ZNF610: variants seen among roughly 807,000 people sequenced by gnomAD.
ZNF610 encodes zinc finger protein 610, also known as zink finger protein.
Under a neutral mutation model 14.1 loss-of-function variants are expected in ZNF610, and 14 were observed. The ratio of observed to expected loss-of-function variants is 0.99; its 90% CI spans 0.65 to 1.55. The LOEUF is 1.55. Among genes scored for constraint, ZNF610 ranks in the 40% most tolerant of loss-of-function variants. The pLI, the probability that ZNF610 is intolerant of heterozygous loss-of-function variation, is 0.00. For missense variants in ZNF610, 530 were observed against 558.0 expected (o/e 0.95, Z 0.51); for synonymous variants, 185 against 187.6 (o/e 0.99, Z 0.11).
upstream of ZNF610, among the ~76,000 whole-genome samples, chr19:52,335,053 T>C (rs1438307364): frequency 1.2e-5 from 1 of 86,470 alleles, no homozygotes; most frequent in Non-Finnish European, 2.3e-5. Flanking sequence ...CCCAGCACTT[T>C]GGGGGCCGGG....
chr19:52,332,824 A>G (rs1424942256), upstream of ZNF610, among the ~76,000 whole-genome samples: 1 of 152,228 alleles, frequency 6.6e-6, no homozygotes, highest in Non-Finnish European at 1.5e-5. The surrounding 1 kb of genome is among the most constrained non-coding windows in gnomAD (Gnocchi z 4.1). Context: ...TACAAAGCCC[A>G]TGGTTCCTGG....
At chr19:52,360,269 T>G (rs1985714824) in intron 5 of ZNF610, among the ~76,000 whole-genome samples, 2 of 152,226 alleles carry the variant, frequency 1.3e-5, no homozygotes, top group African/African-American at 4.8e-5. Flanking sequence ...TTCTGTTTCC[T>G]GAGTTCTGCC....
intron 1 of ZNF610, among the ~76,000 whole-genome samples, chr19:52,346,755 G>A (rs321955): frequency 0.3 from 45,807 of 151,714 alleles, 7,325 homozygotes; most frequent in South Asian, 0.36. Flanking sequence ...TTTTGAGACC[G>A]AGTCTCGCTC....
chr19:52,359,611 T>C (rs1164266466), intron 5 of ZNF610, among the ~76,000 whole-genome samples: 1 of 152,186 alleles, frequency 6.6e-6, no homozygotes, highest in African/African-American at 2.4e-5. Flanking sequence ...ACCATGTTTT[T>C]CCTCTGCTCT....
chr19:52,342,718 G>A (rs951643408), intron 1 of ZNF610, among the ~76,000 whole-genome samples: 4 of 151,778 alleles, frequency 2.6e-5, no homozygotes, highest in African/African-American at 9.7e-5. Context: ...GTAGAGATGG[G>A]GTTTCACTGT....
At chr19:52,362,452 T>C (rs1985829680) in intron 5 of ZNF610, among the ~76,000 whole-genome samples, 2 of 152,216 alleles carry the variant, frequency 1.3e-5, no homozygotes, top group South Asian at 4.1e-4. Flanking sequence ...TGGTGTCTTG[T>C]ATTGTTGCCT....
chr19:52,349,384 T>A lies in ZNF610; in HGVS notation c.63+149T>A, dbSNP rs566550849. On this transcript the variant is annotated intron_variant, in intron 3 of 5. Transcript: ENST00000403906. Reference sequence around the variant, plus strand: ...TTCTATCTCTCGTGACCCAGTGACATGAATGTGGGAAGAGACTGCACTGGG... The same window carrying A: ...TTCTATCTCTCGTGACCCAGTGACAAGAATGTGGGAAGAGACTGCACTGGG... 7.6e-5 allele frequency: 104 copies of A among 1,360,384 alleles called. No individual in the cohort carries two copies. The African/African-American group carries it at 1.5e-3, about 19-fold the overall frequency. 84.3% of individuals were successfully genotyped at this position (1,360,384 alleles called of 1,614,324 possible). A position where few individuals can be genotyped will look rare whatever the true frequency, so the allele number is the denominator to read the frequency against.
rs1985460779 is a variant in ZNF610 at position 52,355,049 on chromosome 19, T to G, written c.319+670T>G. On this transcript the variant is annotated intron_variant, in intron 5 of 5. Coordinates refer to ENST00000403906, the MANE Select transcript of ZNF610 (RefSeq NM_001161425.2). Reference sequence around the variant, plus strand: ...TCATCTTTTCACCCTCGAGTGGTGTTGCCACCCAGAGACAAAAGCAAAGTC... The same window carrying G: ...TCATCTTTTCACCCTCGAGTGGTGTGGCCACCCAGAGACAAAAGCAAAGTC... 5.3e-5 allele frequency among the ~76,000 whole-genome samples: 8 copies of G among 152,230 alleles called. No individual in the cohort carries two copies. In the South Asian group the frequency reaches 1.7e-3, roughly 32 times the overall value.
intron 3 of ZNF610, among the ~76,000 whole-genome samples, chr19:52,351,179 AG>A (rs1985232126): frequency 6.6e-6 from 1 of 150,938 alleles, no homozygotes; most frequent in Non-Finnish European, 1.5e-5. Context: ...CACCTTGGCA[AG>A]GTGCAGTGGC....
At position 52,366,013 on chromosome 19, in the gene ZNF610, T is replaced by C; in HGVS notation, c.635T>C (p.Val212Ala). 6.2e-7 allele frequency: 1 copy of C among 1,614,078 alleles called. No homozygotes were observed. The highest frequency in any genetic ancestry group is 8.5e-7 in the Non-Finnish European group (1 of 1,180,018). Residue 212 changes from valine to alanine, a missense_variant, in exon 6 of 6, where the codon GTT becomes GCT. Coordinates refer to ENST00000403906, the MANE Select transcript of ZNF610 (RefSeq NM_001161425.2). ...YEYECSEDGE[V>A]FRVRASLTNH... is the part of the protein sequence containing the mutation. ...TATGAATGTAGTGAAGATGGTGAAG[T>C]TTTTAGAGTCCGTGCAAGCCTTACT...
chr19:52,349,098 A>G lies in ZNF610; in HGVS notation c.-19-56A>G. On this transcript the variant is annotated intron_variant, in intron 2 of 5. Transcript: ENST00000403906. ...TCTAACCTGTGTGTGTGGTTGTGGCATAGGGAGGGGAATGTGTTGATTCCG... is the reference window on the plus strand; with the variant it reads ...TCTAACCTGTGTGTGTGGTTGTGGCGTAGGGAGGGGAATGTGTTGATTCCG... The G allele has an allele frequency of 4.6e-6, 6 of 1,297,978 alleles. No homozygotes were observed. The Admixed American group carries it at 6.9e-5, about 15-fold the overall frequency. The allele number at this position is 1,297,978 out of a possible 1,614,324, so 80.4% of individuals were successfully genotyped here. A position where few individuals can be genotyped will look rare whatever the true frequency, so the allele number is the denominator to read the frequency against.
chr19:52,339,127 A>G (rs1027302349), intron 1 of ZNF610, among the ~76,000 whole-genome samples: 3 of 152,030 alleles, frequency 2.0e-5, no homozygotes, highest in Non-Finnish European at 4.4e-5. Context: ...AAAGAGCAGT[A>G]TTGCTGCCAG....
intron 5 of ZNF610, among the ~76,000 whole-genome samples, chr19:52,363,070 G>C (rs1600240851): frequency 6.6e-6 from 1 of 151,840 alleles, no homozygotes; most frequent in East Asian, 1.9e-4. Flanking sequence ...TACAGAGACA[G>C]AGTGAGGGGG....
intron 1 of ZNF610, among the ~76,000 whole-genome samples, chr19:52,336,849 A>T (rs571009103): frequency 2.0e-5 from 3 of 152,152 alleles, no homozygotes; most frequent in African/African-American, 4.8e-5. Flanking sequence ...GTCTTAGGAC[A>T]TTCAGGATTC....
chr19:52,353,412 ATCT>A (rs1985354078), intron 3 of ZNF610, among the ~76,000 whole-genome samples: 1 of 152,208 alleles, frequency 6.6e-6, no homozygotes, highest in Admixed American at 6.5e-5. Flanking sequence ...CTATAATCCC[ATCT>A]TCTTGGGAGG....
At chr19:52,332,445 A>G (rs1316025336), upstream of ZNF610, among the ~76,000 whole-genome samples, 1 of 152,178 alleles carries the variant, frequency 6.6e-6, no homozygotes, top group Non-Finnish European at 1.5e-5. The surrounding 1 kb of genome is among the most constrained non-coding windows in gnomAD (Gnocchi z 4.1). Context: ...TTTGTACTGT[A>G]TTTCTGCCAT....
At chr19:52,330,599 C>T in the ZNF610 span, among the ~76,000 whole-genome samples, 1 of 152,138 alleles carries the variant, frequency 6.6e-6, no homozygotes, top group Non-Finnish European at 1.5e-5. Context: ...GAGACTAATG[C>T]AGTATTTAGA....
chr19:52,355,860 C>T (rs1029800266), intron 5 of ZNF610, among the ~76,000 whole-genome samples: 3 of 152,330 alleles, frequency 2.0e-5, no homozygotes, highest in Admixed American at 1.3e-4. Flanking sequence ...CTGGGTGTGC[C>T]GCCCTCCAGG....
chr19:52,338,976 A>G (rs764345328), intron 1 of ZNF610, among the ~76,000 whole-genome samples: 50 of 151,842 alleles, frequency 3.3e-4, no homozygotes, highest in Non-Finnish European at 1.2e-4. Context: ...TATCTCTACC[A>G]TCTCGGAGAG....
Sources: gnomAD v4.1 joint callset for allele counts (sites outside exome capture counted in the v4.1 genomes callset) on GRCh38, gnomAD v4.1.1 for gene constraint, Gnocchi (gnomAD v3.1) non-coding constraint, MANE v1.5 for transcripts, NCBI Gene and HGNC (gene_info 2026-07-23, HGNC 2026-07-21) for gene names.